ARMC2: variants seen among roughly 807,000 people sequenced by gnomAD.
ARMC2 encodes the protein armadillo repeat-containing protein 2.
Under a neutral mutation model 90.3 loss-of-function variants are expected in ARMC2, and 67 were observed. The ratio of observed to expected loss-of-function variants is 0.74; its 90% CI spans 0.61 to 0.91. ARMC2 has a LOEUF of 0.91. Ranked by LOEUF, ARMC2 falls within the 40% of genes least tolerant of loss-of-function variation. The pLI is 0.00. For synonymous variants in ARMC2, 393 were observed against 393.0 expected (o/e 1.00, Z 0.00); for missense variants, 920 against 1,030.9 (o/e 0.89, Z 1.47).
chr6:108,879,668 C>G (rs1354203542), intron 5 of ARMC2, among the ~76,000 whole-genome samples: 1 of 152,000 alleles, frequency 6.6e-6, no homozygotes, highest in African/African-American at 2.4e-5. Context: ...CTTAAAAAAT[C>G]TGTTAAGGCT....
chr6:109,046,910 G>A, the ARMC2 span, among the ~76,000 whole-genome samples: 5 of 125,042 alleles, frequency 4.0e-5, no homozygotes, highest in East Asian at 9.4e-4. Context: ...TGAGAAGTGA[G>A]GAGCCTCTCC....
chr6:108,953,469 A>G, intron 13 of ARMC2, 118 bp downstream of exon 13: 1 of 1,030,104 alleles, frequency 9.7e-7, no homozygotes, highest in Non-Finnish European at 1.4e-6. Context: ...CCCTATGAGA[A>G]AGTCTTAGCT....
rs137918260 is a variant in ARMC2 at position 108,912,236 on chromosome 6, A to G, written c.1127-99A>G. On this transcript the variant is annotated intron_variant, in intron 9 of 17. Transcript: ENST00000392644. ...CTTGAATGTAGATTTTGATAAATATATTTTACGAAGTGTATTTTATGTTCA... is the reference window on the plus strand; with the variant it reads ...CTTGAATGTAGATTTTGATAAATATGTTTTACGAAGTGTATTTTATGTTCA... The G allele has an allele frequency of 1.4e-3, 1,194 of 841,150 alleles. 12 individuals carry two copies. The African/African-American group carries it at 0.019, about 13-fold the overall frequency. 52.1% of individuals were successfully genotyped at this position (841,150 alleles called of 1,614,324 possible). A position where few individuals can be genotyped will look rare whatever the true frequency, so the allele number is the denominator to read the frequency against.
At chr6:108,886,264 C>G (rs1043356449) in intron 5 of ARMC2, among the ~76,000 whole-genome samples, 3 of 152,126 alleles carry the variant, frequency 2.0e-5, no homozygotes, top group Non-Finnish European at 2.9e-5. Context: ...TAGGAATAAA[C>G]AAACTACAGC....
chr6:108,994,974 G>A, the ARMC2 span, among the ~76,000 whole-genome samples: 1 of 152,104 alleles, frequency 6.6e-6, no homozygotes, highest in African/African-American at 2.4e-5. Flanking sequence ...AAAGTGCTGG[G>A]ATTACAGGCG....
At chr6:108,900,305 T>TG (rs1771994685) in intron 7 of ARMC2, among the ~76,000 whole-genome samples, 1 of 152,196 alleles carries the variant, frequency 6.6e-6, no homozygotes, top group South Asian at 2.1e-4. Context: ...GTCCCACCCT[T>TG]GCGCTCTGAA....
chr6:108,901,678 A>C (rs369242839), intron 7 of ARMC2, among the ~76,000 whole-genome samples: 1 of 152,102 alleles, frequency 6.6e-6, no homozygotes. Context: ...CGGCCTTCCA[A>C]AGTTTTGGGA....
At chr6:108,895,482 C>CAAAAAAA (rs58785510) in intron 6 of ARMC2, among the ~76,000 whole-genome samples, 1 of 100,298 alleles carries the variant, frequency 1.0e-5, no homozygotes, top group Non-Finnish European at 1.9e-5. Flanking sequence ...AGACTCATCT[C>CAAAAAAA]AAAAAAAAAA....
At chr6:109,029,839 T>A in the ARMC2 span, among the ~76,000 whole-genome samples, 1 of 152,176 alleles carries the variant, frequency 6.6e-6, no homozygotes. Context: ...GCTGCTGTTT[T>A]TCCTAGTGAG....
the ARMC2 span, among the ~76,000 whole-genome samples, chr6:108,995,877 T>C: frequency 6.6e-6 from 1 of 152,196 alleles, no homozygotes; most frequent in Non-Finnish European, 1.5e-5. Context: ...CAGGAATGCT[T>C]TTAAGACCTC....
downstream of ARMC2, among the ~76,000 whole-genome samples, chr6:108,978,816 C>A (rs567706054): frequency 6.7e-6 from 1 of 150,120 alleles, no homozygotes; most frequent in South Asian, 2.2e-4. Flanking sequence ...AGGATTGCAA[C>A]CCCTGCTTTT....
chr6:108,960,773 A>G (rs1401477914), intron 13 of ARMC2, among the ~76,000 whole-genome samples: 3 of 152,216 alleles, frequency 2.0e-5, no homozygotes, highest in African/African-American at 7.2e-5. Context: ...CTGGGAGGAC[A>G]GTATGTTCCA....
chr6:109,000,605 CCCA>C, the ARMC2 span: 1 of 1,611,750 alleles, frequency 6.2e-7, no homozygotes, highest in South Asian at 1.1e-5. Context: ...ACTTGGGGTC[CCCA>C]CCAACATGAA....
At chr6:108,883,790 A>G (rs2128446435) in intron 5 of ARMC2, among the ~76,000 whole-genome samples, 1 of 152,304 alleles carries the variant, frequency 6.6e-6, no homozygotes, top group South Asian at 2.1e-4. Flanking sequence ...TTTCACTACA[A>G]TAACATGTAT....
intron 14 of ARMC2, 150 bp downstream of exon 14, chr6:108,961,844 G>T: frequency 8.7e-7 from 1 of 1,153,468 alleles, no homozygotes. Flanking sequence ...TAGAATATGG[G>T]GAAACTAGAA....
At chr6:108,872,392 A>G (rs1333660472) in intron 4 of ARMC2, among the ~76,000 whole-genome samples, 1 of 150,344 alleles carries the variant, frequency 6.7e-6, no homozygotes, top group Admixed American at 6.6e-5. Flanking sequence ...TCCCTGTCAC[A>G]CTCTCCGTCA....
intron 17 of ARMC2, among the ~76,000 whole-genome samples, chr6:108,969,944 G>A (rs1251418516): frequency 1.3e-5 from 2 of 152,092 alleles, no homozygotes; most frequent in Admixed American, 1.3e-4. Context: ...ACTGAGGTGG[G>A]AGAATCACTT....
At chr6:109,040,756 G>A in the ARMC2 span, among the ~76,000 whole-genome samples, 4 of 151,426 alleles carry the variant, frequency 2.6e-5, no homozygotes, top group Non-Finnish European at 5.9e-5. Flanking sequence ...GGGTTCAAGC[G>A]ATTCTCCCGC....
chr6:108,853,673 T>G (rs568506405), intron 1 of ARMC2, among the ~76,000 whole-genome samples: 17 of 152,344 alleles, frequency 1.1e-4, no homozygotes, highest in Admixed American at 4.6e-4. Context: ...TTGGTATTGA[T>G]ATTTGGTATT....
Sources: allele counts gnomAD v4.1 joint callset (sites outside exome capture counted in the v4.1 genomes callset), GRCh38; gene constraint gnomAD v4.1.1; transcripts MANE v1.5; gene names NCBI Gene and HGNC (gene_info 2026-07-23, HGNC 2026-07-21).